The following PITPNM3 variants were observed in gnomAD, a reference collection of about 807,000 sequenced individuals.
PITPNM3 encodes membrane-associated phosphatidylinositol transfer protein 3.
In PITPNM3, 26 loss-of-function variants were observed where a neutral mutation model predicts 102.0. The ratio of observed to expected loss-of-function variants is 0.25; its 90% CI spans 0.19 to 0.35. PITPNM3 has a LOEUF of 0.35. Among genes scored for constraint, PITPNM3 ranks in the 10% least tolerant of loss-of-function variants. The pLI is 1.00. For missense variants in PITPNM3, 1,083 were observed against 1,346.1 expected (o/e 0.80, Z 3.06); for synonymous variants, 578 against 558.6 (o/e 1.03, Z -0.49).
chr17:6,507,003 C>T (rs893093956), intron 3 of PITPNM3, among the ~76,000 whole-genome samples: 1 of 152,238 alleles, frequency 6.6e-6, no homozygotes, highest in Non-Finnish European at 1.5e-5. Context: ...ATGGCACTGC[C>T]AGCCCAGGGT....
In PITPNM3 at chr17:6,537,609, TGGCACTTTTACTTAGCAGC is replaced by T. The variant is rs1909508839; in HGVS notation, c.118+359_118+377del. ...CCTGACTGTTCTCTCTTACAACAGC[TGGCACTTTTACTTAGCAGC>T]GGCACTTTTACTTAGTGGCGATGGT... On this transcript the variant is annotated intron_variant, in intron 2 of 19. Transcript: ENST00000262483. This position sits in a 1 kb window ranked among gnomAD's most constrained non-coding sequence, Gnocchi z 4.4. 2.0e-5 allele frequency among the ~76,000 whole-genome samples: 3 copies of T among 152,208 alleles called. No homozygotes were observed. The highest frequency in any genetic ancestry group is 4.8e-5 in the African/African-American group (2 of 41,458).
In PITPNM3 at chr17:6,455,530, G is replaced by T. The variant is rs1474061486; in HGVS notation, c.2733C>A (p.His911Gln). 14 of 1,604,918 alleles carry T rather than the reference G, an allele frequency of 8.7e-6. No individual in the cohort carries two copies. Among genetic ancestry groups the T allele is most frequent in the East Asian group, 2.2e-5 (1 of 44,652 alleles). ...MILRKGSFGL[H>Q]AQPEFLRKRN... Reference sequence around the variant, plus strand: ...GCTTCCGCAGGAACTCTGGCTGCGCGTGCAGCCCGAAGCTGCCCTTGCGCA... The same window carrying T: ...GCTTCCGCAGGAACTCTGGCTGCGCTTGCAGCCCGAAGCTGCCCTTGCGCA... Residue 911 changes from histidine to glutamine, a missense_variant, in exon 20 of 20, where the codon CAC (histidine) becomes CAA (glutamine). Physicochemically the swap from His to Gln is conservative, Grantham distance 24. Around this residue, in one of 5 missense-constraint regions of PITPNM3, gnomAD observed 208 missense variants for 178.2 expected, o/e 1.17. Coordinates refer to ENST00000262483, the MANE Select transcript of PITPNM3 (RefSeq NM_031220.4).
intron 19 of PITPNM3, 29 bp from the exon 20 acceptor site, chr17:6,455,672 GGCA>G: frequency 6.5e-7 from 1 of 1,532,160 alleles, no homozygotes; most frequent in Non-Finnish European, 8.7e-7. Context: ...GGCAGGGGAG[GGCA>G]GGGCAGGGCA....
chr17:6,465,423 G>A (rs1246906156), intron 14 of PITPNM3, among the ~76,000 whole-genome samples: 1 of 152,232 alleles, frequency 6.6e-6, no homozygotes, highest in Non-Finnish European at 1.5e-5. Context: ...AGATCCCCGG[G>A]CTGGAAACTG....
Position 6,458,902 on chromosome 17 carries a change from C to T in PITPNM3, c.2491-1180G>A, listed in dbSNP as rs576679773. ...AAGAAACAGAGCCACGCAGCTCTCA[C>T]CTTCCATCTTCTTCCTGTCCTTCCC... On this transcript the variant is annotated intron_variant, in intron 18 of 19. Coordinates refer to ENST00000262483, the MANE Select transcript of PITPNM3 (RefSeq NM_031220.4). This position sits in a 1 kb window ranked among gnomAD's most constrained non-coding sequence, Gnocchi z 5.1. Among the ~76,000 whole-genome samples the T allele has an allele frequency of 9.2e-5, 14 of 152,056 alleles. No individual in the cohort carries two copies. Among genetic ancestry groups the T allele is most frequent in the Non-Finnish European group, 2.1e-4 (14 of 68,020 alleles).
At chr17:6,530,792 C>A (rs1400272329) in intron 2 of PITPNM3, among the ~76,000 whole-genome samples, 1 of 152,282 alleles carries the variant, frequency 6.6e-6, no homozygotes, top group African/African-American at 2.4e-5. Flanking sequence ...GGAGGGAGGG[C>A]TATTTAGATG....
At chr17:6,543,773 A>C (rs1300685212) in intron 1 of PITPNM3, among the ~76,000 whole-genome samples, 1 of 152,174 alleles carries the variant, frequency 6.6e-6, no homozygotes, top group East Asian at 1.9e-4. Flanking sequence ...GGCAAGTGGA[A>C]ATGGTCCTCC....
intron 4 of PITPNM3, 136 bp downstream of exon 4, chr17:6,503,391 G>GT: frequency 9.9e-7 from 1 of 1,012,006 alleles, no homozygotes; most frequent in East Asian, 2.5e-5. Flanking sequence ...CAGGCCCTCC[G>GT]GTACTGCCTG....
At chr17:6,494,394 A>T (rs1013263788) in intron 4 of PITPNM3, among the ~76,000 whole-genome samples, 5 of 152,020 alleles carry the variant, frequency 3.3e-5, no homozygotes, top group African/African-American at 1.2e-4. Flanking sequence ...TGTTAGCCTG[A>T]CCCCCTAATG....
At position 6,455,352 on chromosome 17, in the gene PITPNM3, C is replaced by A; in HGVS notation, c.2911G>T (p.Glu971Ter). The A allele has an allele frequency of 6.3e-7, 1 of 1,579,966 alleles. No individual in the cohort carries two copies. Among genetic ancestry groups the A allele is most frequent in the Non-Finnish European group, 8.6e-7 (1 of 1,165,010 alleles). Residue 971 changes from glutamate (E) to a stop codon, truncating the protein, a stop_gained, in exon 20 of 20, where the codon GAG becomes TAG. Transcript: ENST00000262483. LOFTEE classifies it high-confidence loss of function. ...LSWARGPPKF[E>*]SVP ...CAGCCCACCCCTCAGGGCACCGACT[C>A]GAACTTGGGGGGCCCACGCGCCCAG...
intron 6 of PITPNM3, among the ~76,000 whole-genome samples, chr17:6,482,016 C>CTCTCTCTCTCTCTCTG (rs1905741842): frequency 9.5e-6 from 1 of 105,518 alleles, no homozygotes; most frequent in Non-Finnish European, 1.9e-5. Flanking sequence ...CTCTCTCTCT[C>CTCTCTCTCTCTCTCTG]TCTCTCTCTC....
At chr17:6,550,254 T>A (rs912573140) in intron 1 of PITPNM3, among the ~76,000 whole-genome samples, 4 of 152,220 alleles carry the variant, frequency 2.6e-5, no homozygotes, top group African/African-American at 9.6e-5. Flanking sequence ...TGCCTCTAAC[T>A]TTATGTGTGA....
intron 3 of PITPNM3, among the ~76,000 whole-genome samples, chr17:6,514,206 A>G (rs1162058266): frequency 6.6e-6 from 1 of 152,182 alleles, no homozygotes; most frequent in East Asian, 1.9e-4. Context: ...GGATTGGGCA[A>G]TGGTTTCTTA....
At position 6,464,010 on chromosome 17, in the gene PITPNM3, C is replaced by T. The variant is rs963709505; in HGVS notation, c.2157-129G>A. ...GTCAGAGAGCACCTGGGTGGCATCT[C>T]CTGATGCCACGGCTGGTGACCTCTC... On this transcript the variant is annotated intron_variant, in intron 16 of 19. Coordinates refer to ENST00000262483, the MANE Select transcript of PITPNM3 (RefSeq NM_031220.4). 8 of 1,514,272 alleles carry T rather than the reference C, an allele frequency of 5.3e-6. No homozygotes were observed. The African/African-American group carries it at 9.6e-5, about 18-fold the overall frequency. The allele number at this position is 1,514,272 out of a possible 1,614,324, so 93.8% of individuals were successfully genotyped here. A position where few individuals can be genotyped will look rare whatever the true frequency, so the allele number is the denominator to read the frequency against.
At chr17:6,463,588 G>T in intron 17 of PITPNM3, 144 bp downstream of exon 17, 1 of 1,181,320 alleles carries the variant, frequency 8.5e-7, no homozygotes, top group Non-Finnish European at 1.2e-6. Context: ...AATTACTGTT[G>T]GAGGTAAAGC....
In PITPNM3 at chr17:6,458,761, G is replaced by A. The variant is rs9895327; in HGVS notation, c.2491-1039C>T. On this transcript the variant is annotated intron_variant, in intron 18 of 19. Transcript: ENST00000262483. The surrounding 1 kb of genome is among the most constrained non-coding windows in gnomAD (Gnocchi z 5.1). ...ATCCCTGTGTCCTTGCCTCCACCCC[G>A]GATTCTCTCACCCCTTCATCCTCCT... Among the ~76,000 whole-genome samples the A allele has an allele frequency of 0.46, 69,284 of 151,322 alleles. 17,249 individuals carry two copies. Among genetic ancestry groups the A allele is most frequent in the East Asian group, 0.66 (3,388 of 5,100 alleles).
At chr17:6,485,105 C>T (rs986275331) in intron 4 of PITPNM3, among the ~76,000 whole-genome samples, 49 of 151,978 alleles carry the variant, frequency 3.2e-4, no homozygotes, top group African/African-American at 1.1e-3. Context: ...TCCATCATCA[C>T]GAAACCATGC....
intron 4 of PITPNM3, among the ~76,000 whole-genome samples, chr17:6,501,141 C>A (rs531373159): frequency 4.6e-5 from 7 of 152,340 alleles, no homozygotes; most frequent in Non-Finnish European, 7.3e-5. Flanking sequence ...ATCCCGGAGA[C>A]AAGCCCCATG....
chr17:6,484,788 G>A (rs1392345159), intron 4 of PITPNM3, among the ~76,000 whole-genome samples: 2 of 152,226 alleles, frequency 1.3e-5, no homozygotes, highest in Non-Finnish European at 2.9e-5. Flanking sequence ...GTTTTGGGAA[G>A]AGGTTGGCAT....
Sources: allele counts gnomAD v4.1 joint callset (sites outside exome capture counted in the v4.1 genomes callset), GRCh38; gene constraint gnomAD v4.1.1; regional missense constraint gnomAD v4.1.1; non-coding constraint Gnocchi (gnomAD v3.1); transcripts MANE v1.5; gene names NCBI Gene and HGNC (gene_info 2026-07-23, HGNC 2026-07-21).